TSEN15: variants seen among roughly 807,000 people sequenced by gnomAD.
TSEN15 encodes the protein tRNA-splicing endonuclease subunit Sen15.
In TSEN15, 10 loss-of-function variants were observed where a neutral mutation model predicts 20.5. The ratio of observed to expected loss-of-function variants is 0.49; its 90% CI spans 0.30 to 0.83. The LOEUF is 0.83. TSEN15 is among the 40% of genes least tolerant of loss of function. The pLI is 0.06. For missense variants in TSEN15, 180 were observed against 218.6 expected (o/e 0.82, Z 1.11); for synonymous variants, 72 against 80.1 (o/e 0.90, Z 0.54).
intron 3 of TSEN15, among the ~76,000 whole-genome samples, chr1:184,056,843 A>T (rs1650266203): frequency 6.6e-6 from 1 of 152,104 alleles, no homozygotes; most frequent in South Asian, 2.1e-4. Context: ...TAGCCAGTTT[A>T]TCTGTCCTTT....
chr1:184,086,898 AT>A (rs1170815117), intron 3 of TSEN15, among the ~76,000 whole-genome samples: 2 of 152,232 alleles, frequency 1.3e-5, no homozygotes, highest in African/African-American at 4.8e-5. Flanking sequence ...GGGGAGGTGT[AT>A]TCAAGTTTAC....
chr1:184,088,150 A>G (rs372541551), intron 3 of TSEN15, among the ~76,000 whole-genome samples: 1 of 152,214 alleles, frequency 6.6e-6, no homozygotes, highest in East Asian at 1.9e-4. Context: ...GGCACCAGCC[A>G]GGGAGGTCTG....
chr1:184,081,707 G>A (rs931074524), intron 3 of TSEN15, among the ~76,000 whole-genome samples: 5 of 152,068 alleles, frequency 3.3e-5, no homozygotes, highest in Non-Finnish European at 5.9e-5. Context: ...AGTGAGTTTC[G>A]GGTTGTTTTG....
chr1:184,095,885 C>G, exon 4 of TSEN15: 1 of 397,016 alleles, frequency 2.5e-6, no homozygotes, highest in Non-Finnish European at 4.4e-6. Flanking sequence ...GCCTAGCAAA[C>G]TAACGTAAAA....
chr1:184,066,159 G>A (rs987584097), intron 3 of TSEN15, among the ~76,000 whole-genome samples: 1 of 151,932 alleles, frequency 6.6e-6, no homozygotes, highest in Non-Finnish European at 1.5e-5. Flanking sequence ...TTTTTATGAA[G>A]GATATAAGGT....
At chr1:184,067,947 T>A (rs201337235) in intron 3 of TSEN15, among the ~76,000 whole-genome samples, 4,537 of 119,276 alleles carry the variant, frequency 0.038, 146 homozygotes, top group African/African-American at 0.082. Flanking sequence ...AAAAAATATA[T>A]ATATATATAT....
At chr1:184,060,768 T>C (rs1280446620) in intron 3 of TSEN15, among the ~76,000 whole-genome samples, 9 of 137,840 alleles carry the variant, frequency 6.5e-5, no homozygotes, top group Non-Finnish European at 1.3e-4. Flanking sequence ...TTAAGTGAGC[T>C]GTACCACGGT....
At chr1:184,093,136 A>G (rs1223465187) in intron 3 of TSEN15, among the ~76,000 whole-genome samples, 2 of 152,186 alleles carry the variant, frequency 1.3e-5, no homozygotes, top group Admixed American at 6.5e-5. Context: ...AACACTAGGT[A>G]CTGTTCTTTT....
rs2102897004 is a variant in TSEN15 at position 184,073,514 on chromosome 1, T to C, written c.*667T>C. 6.5e-6 allele frequency: 1 copy of C among 152,728 alleles called. No homozygotes were observed. The highest frequency in any genetic ancestry group is 2.1e-4 in the South Asian group (1 of 4,826). 9.5% of individuals were successfully genotyped at this position (152,728 alleles called of 1,614,324 possible). On this transcript the variant is annotated 3_prime_UTR_variant, in exon 5 of 5. Transcript: ENST00000645668. ...TTCTGGGCTATCCTTTTCATTCTTA[T>C]CACATATCATAGCTTGAATATTACA...
chr1:184,070,863 G>T (rs774798038), intron 3 of TSEN15: 12 of 204,908 alleles, frequency 5.9e-5, no homozygotes, highest in Non-Finnish European at 1.0e-4. Flanking sequence ...ATTTTTTAAG[G>T]ACTAAGTCAA....
intron 3 of TSEN15, among the ~76,000 whole-genome samples, chr1:184,082,008 C>T (rs886939867): frequency 4.6e-5 from 7 of 152,128 alleles, no homozygotes; most frequent in East Asian, 1.9e-4. Flanking sequence ...TGGAACTCTG[C>T]GAGAATATTT....
intron 3 of TSEN15, among the ~76,000 whole-genome samples, chr1:184,059,817 C>T (rs1017111279): frequency 2.2e-4 from 33 of 152,308 alleles, no homozygotes; most frequent in African/African-American, 5.1e-4. Context: ...GTTATCTGCC[C>T]GCCTTGGCCT....
At chr1:184,052,603 A>G (rs1328963021) in intron 1 of TSEN15, among the ~76,000 whole-genome samples, 1 of 152,010 alleles carries the variant, frequency 6.6e-6, no homozygotes, top group Non-Finnish European at 1.5e-5. Flanking sequence ...ACAGAATTGC[A>G]CTCTTCTGCT....
At position 184,085,596 on chromosome 1, in the gene TSEN15, T is replaced by A. The variant is rs145196212; in HGVS notation, c.354-10094T>A. ...GAATGGCTTTTCTCTGCAGGTGACA[T>A]TTGAGCAGAGACCAGAATGCAGTGA... is the stretch of plus-strand genomic sequence containing the variant. On this transcript the variant is annotated intron_variant, in intron 3 of 3. Transcript: ENST00000643231. Among the ~76,000 whole-genome samples the A allele has an allele frequency of 2.5e-3, 382 of 152,302 alleles. 1 individual carries two copies. Among genetic ancestry groups the A allele is most frequent in the African/African-American group, 8.8e-3 (367 of 41,572 alleles).
chr1:184,067,941 A>AAAAATAT (rs1400681024), intron 3 of TSEN15, among the ~76,000 whole-genome samples: 12 of 95,570 alleles, frequency 1.3e-4, no homozygotes, highest in African/African-American at 5.0e-4. Context: ...AAAAAAAAAA[A>AAAAATAT]ATATATATAT....
chr1:184,060,372 T>C (rs1016612796), intron 3 of TSEN15, among the ~76,000 whole-genome samples: 4 of 152,234 alleles, frequency 2.6e-5, no homozygotes, highest in Non-Finnish European at 5.9e-5. Context: ...TAGATCCACT[T>C]GTGCCAGGCA....
intron 3 of TSEN15, among the ~76,000 whole-genome samples, chr1:184,062,581 AG>A (rs1650505867): frequency 6.6e-6 from 1 of 152,122 alleles, no homozygotes; most frequent in Non-Finnish European, 1.5e-5. Context: ...AAATGGTAAA[AG>A]TATACTATAC....
intron 3 of TSEN15, among the ~76,000 whole-genome samples, chr1:184,093,402 A>G (rs1364553753): frequency 6.6e-6 from 1 of 152,140 alleles, no homozygotes; most frequent in Admixed American, 6.6e-5. Flanking sequence ...ATGCCCTGCC[A>G]CTTATTTTGG....
At position 184,091,435 on chromosome 1, in the gene TSEN15, T is replaced by G. The variant is rs531985928; in HGVS notation, c.354-4255T>G. 6.0e-4 allele frequency among the ~76,000 whole-genome samples: 91 copies of G among 152,164 alleles called. 1 individual carries two copies. The highest frequency in any genetic ancestry group is 2.1e-3 in the African/African-American group (89 of 41,514). ...TAAAATAGTGATGATAATTCCTACT[T>G]TTCAGGATTGTTGTATATATTATAT... is the stretch of plus-strand genomic sequence containing the variant. On this transcript the variant is annotated intron_variant, in intron 3 of 3. Transcript: ENST00000643231.
Sources: allele counts gnomAD v4.1 joint callset (sites outside exome capture counted in the v4.1 genomes callset), GRCh38; gene constraint gnomAD v4.1.1; transcripts MANE v1.5; gene names NCBI Gene and HGNC (gene_info 2026-07-23, HGNC 2026-07-21).